The following SHISA9 variants were observed in gnomAD, a reference collection of about 807,000 sequenced individuals.
The protein encoded by SHISA9 is shisa family member 9.
SHISA9 carries 13 observed loss-of-function variants against 38.0 expected under a neutral mutation model. The observed-to-expected ratio is 0.34, with a 90% CI of 0.22 to 0.54. SHISA9 has a LOEUF of 0.54. Among genes scored for constraint, SHISA9 ranks in the 20% least tolerant of loss-of-function variants. SHISA9 has a pLI of 0.91. For missense variants in SHISA9, 538 were observed against 575.8 expected (o/e 0.93, Z 0.67); for synonymous variants, 275 against 242.0 (o/e 1.14, Z -1.27).
At chr16:13,110,133 T>C (rs777735829) in intron 2 of SHISA9, among the ~76,000 whole-genome samples, 34 of 152,312 alleles carry the variant, frequency 2.2e-4, no homozygotes, top group Non-Finnish European at 4.0e-4. Context: ...GAGGGTTGTG[T>C]TGAGCATCTC....
intron 2 of SHISA9, among the ~76,000 whole-genome samples, chr16:12,940,661 T>C (rs140988657): frequency 6.6e-6 from 1 of 152,356 alleles, no homozygotes; most frequent in East Asian, 1.9e-4. Flanking sequence ...GAAGTAAATT[T>C]GCCTTGCTGA....
chr16:13,399,317 G>A, the SHISA9 span, among the ~76,000 whole-genome samples: 350 of 151,900 alleles, frequency 2.3e-3, 2 homozygotes, highest in African/African-American at 8.3e-3. Flanking sequence ...CCTTCTAAGT[G>A]TTCACAGTTT....
chr16:13,071,982 C>A (rs940125391), intron 2 of SHISA9, among the ~76,000 whole-genome samples: 1 of 152,148 alleles, frequency 6.6e-6, no homozygotes, highest in Non-Finnish European at 1.5e-5. Flanking sequence ...CTTCCCAAAT[C>A]GCCTAGGGCC....
chr16:13,133,716 T>C (rs553326210), intron 2 of SHISA9, among the ~76,000 whole-genome samples: 2 of 152,316 alleles, frequency 1.3e-5, no homozygotes, highest in East Asian at 3.9e-4. Flanking sequence ...TTTGCTTTAA[T>C]TGAAAGTCAT....
intron 2 of SHISA9, among the ~76,000 whole-genome samples, chr16:12,938,644 C>T (rs1403221589): frequency 6.6e-6 from 1 of 152,026 alleles, no homozygotes. Context: ...ATTACCGGCA[C>T]CTGCCACCAC....
At chr16:13,159,016 C>T (rs1320403660) in intron 2 of SHISA9, among the ~76,000 whole-genome samples, 2 of 149,656 alleles carry the variant, frequency 1.3e-5, no homozygotes, top group Non-Finnish European at 3.0e-5. Context: ...GCTGAAATTG[C>T]GCCACTACAC....
the SHISA9 span, among the ~76,000 whole-genome samples, chr16:13,418,459 G>A: frequency 2.0e-5 from 3 of 152,196 alleles, no homozygotes; most frequent in African/African-American, 7.2e-5. Flanking sequence ...ATATGCAAGA[G>A]AACTACTTCA....
intron 2 of SHISA9, among the ~76,000 whole-genome samples, chr16:13,154,708 C>A (rs550421464): frequency 6.6e-6 from 1 of 152,354 alleles, no homozygotes; most frequent in Non-Finnish European, 1.5e-5. Flanking sequence ...ACTAATCAGC[C>A]TGGCTTTTTA....
chr16:13,115,605 C>T (rs1224581679), intron 2 of SHISA9, among the ~76,000 whole-genome samples: 4 of 152,232 alleles, frequency 2.6e-5, no homozygotes, highest in Non-Finnish European at 5.9e-5. Flanking sequence ...GGACATGTTA[C>T]AGTGCTGCAG....
intron 2 of SHISA9, among the ~76,000 whole-genome samples, chr16:13,014,574 C>T (rs1567181863): frequency 6.6e-6 from 1 of 152,208 alleles, no homozygotes. Context: ...TTCCTTCTGA[C>T]TCCAGAATGA....
At chr16:13,060,637 C>CA (rs5815739) in intron 2 of SHISA9, among the ~76,000 whole-genome samples, 143 of 86,486 alleles carry the variant, frequency 1.7e-3, no homozygotes, top group East Asian at 2.7e-3. Flanking sequence ...GACCCCATCT[C>CA]AAAAAAAAAA....
intron 3 of SHISA9, among the ~76,000 whole-genome samples, chr16:13,207,599 C>A (rs1342013549): frequency 6.6e-6 from 1 of 152,068 alleles, no homozygotes; most frequent in Non-Finnish European, 1.5e-5. Flanking sequence ...GTTCTTCATC[C>A]TTTTTTTCTG....
At chr16:13,383,006 T>C in the SHISA9 span, among the ~76,000 whole-genome samples, 1 of 152,236 alleles carries the variant, frequency 6.6e-6, no homozygotes, top group South Asian at 2.1e-4. Context: ...GTTCGTTGCG[T>C]GTCAGGCACT....
At chr16:13,055,134 A>G (rs2073295565) in intron 2 of SHISA9, among the ~76,000 whole-genome samples, 1 of 152,200 alleles carries the variant, frequency 6.6e-6, no homozygotes, top group African/African-American at 2.4e-5. Flanking sequence ...TTCTGTTCTA[A>G]GCCCTTCAGT....
chr16:13,328,591 TACACACAC>T, the SHISA9 span, among the ~76,000 whole-genome samples: 28,535 of 139,708 alleles, frequency 0.2, 2,882 homozygotes, highest in East Asian at 0.28. Context: ...TATATGTGTA[TACACACAC>T]ACACACACAC....
the SHISA9 span, among the ~76,000 whole-genome samples, chr16:13,380,739 G>T: frequency 6.6e-6 from 1 of 151,960 alleles, no homozygotes; most frequent in Non-Finnish European, 1.5e-5. Context: ...TGTTACATAG[G>T]TATACATGTG....
At chr16:13,446,014 C>G in the SHISA9 span, among the ~76,000 whole-genome samples, 1 of 152,102 alleles carries the variant, frequency 6.6e-6, no homozygotes, top group Non-Finnish European at 1.5e-5. Flanking sequence ...GCGATCTCAG[C>G]TCACCGCAGC....
the SHISA9 span, among the ~76,000 whole-genome samples, chr16:13,481,182 C>T: frequency 2.0e-5 from 3 of 152,260 alleles, no homozygotes; most frequent in East Asian, 1.9e-4. Flanking sequence ...AACCTCTGAG[C>T]GTTGATTTCC....
At chr16:13,136,666 C>T (rs1401792695) in intron 2 of SHISA9, among the ~76,000 whole-genome samples, 2 of 152,246 alleles carry the variant, frequency 1.3e-5, no homozygotes, top group East Asian at 3.9e-4. Flanking sequence ...TCCCAAAGTT[C>T]TGGGATTACA....
Sources: allele counts gnomAD v4.1 joint callset (sites outside exome capture counted in the v4.1 genomes callset), GRCh38; gene constraint gnomAD v4.1.1; transcripts MANE v1.5; gene names NCBI Gene and HGNC (gene_info 2026-07-23, HGNC 2026-07-21).